DGKB: variants seen among roughly 807,000 people sequenced by gnomAD.
DGKB encodes diacylglycerol kinase beta, also known as 90 kDa diacylglycerol kinase.
A neutral mutation model predicts 114.3 loss-of-function variants in DGKB; 67 were observed. The ratio of observed to expected loss-of-function variants is 0.59; its 90% CI spans 0.48 to 0.72. The LOEUF (loss-of-function observed/expected upper bound fraction) is 0.72, where lower values mean the gene tolerates loss of function less well. Ranked by LOEUF, DGKB falls within the 30% of genes least tolerant of loss-of-function variation. The pLI, the probability that DGKB is intolerant of heterozygous loss-of-function variation, is 0.00. For missense variants in DGKB, 907 were observed against 975.2 expected (o/e 0.93, Z 0.93); for synonymous variants, 398 against 323.1 (o/e 1.23, Z -2.49).
intron 23 of DGKB, among the ~76,000 whole-genome samples, chr7:14,238,463 T>C (rs1793141176): frequency 6.7e-6 from 1 of 149,270 alleles, no homozygotes; most frequent in Admixed American, 6.8e-5. Flanking sequence ...GGTAGTTCTT[T>C]ATAGCCGTGC....
At chr7:14,493,038 GT>G (rs1267778542) in intron 20 of DGKB, among the ~76,000 whole-genome samples, 1 of 152,040 alleles carries the variant, frequency 6.6e-6, no homozygotes, top group East Asian at 1.9e-4. Context: ...TTTGCCTAGT[GT>G]TAGTATTTCT....
At chr7:14,618,517 A>T (rs948836075) in intron 15 of DGKB, among the ~76,000 whole-genome samples, 7 of 151,672 alleles carry the variant, frequency 4.6e-5, no homozygotes, top group African/African-American at 1.7e-4. Context: ...ATTTCTTCAC[A>T]TGTGGGAGAG....
chr7:14,914,356 A>C lies in DGKB; in HGVS notation c.-188+60340T>G, dbSNP rs149190540. Among the ~76,000 whole-genome samples the C allele has an allele frequency of 5.9e-3, 906 of 152,304 alleles. 5 individuals are homozygous for C. Among genetic ancestry groups the C allele is most frequent in the African/African-American group, 0.021 (864 of 41,558 alleles). ...GAAAACTACACGCCCAAATACTTAG[A>C]ACTTCATCAACAGGGCTTACCACTG... On this transcript the variant is annotated intron_variant, in intron 1 of 4. Coordinates refer to the DGKB transcript ENST00000437998.
At chr7:14,795,444 G>T (rs1841275150) in intron 2 of DGKB, among the ~76,000 whole-genome samples, 1 of 152,164 alleles carries the variant, frequency 6.6e-6, no homozygotes. Context: ...TGTTAGGGTA[G>T]ATTTGTCATT....
intron 1 of DGKB, among the ~76,000 whole-genome samples, chr7:14,849,262 C>A (rs1371808260): frequency 6.6e-6 from 1 of 152,022 alleles, no homozygotes; most frequent in Non-Finnish European, 1.5e-5. Context: ...CCCAGAGTAG[C>A]TGTATATAGA....
intron 6 of DGKB, among the ~76,000 whole-genome samples, chr7:14,710,171 T>C (rs1479746141): frequency 1.3e-5 from 2 of 152,118 alleles, no homozygotes; most frequent in African/African-American, 4.8e-5. Context: ...TTCTTCTTTA[T>C]TTAGAGCTTT....
intron 3 of DGKB, among the ~76,000 whole-genome samples, chr7:14,754,952 C>T (rs747119632): frequency 1.1e-4 from 16 of 152,072 alleles, no homozygotes; most frequent in Admixed American, 3.3e-4. Context: ...GGGCATTAGC[C>T]TTAAACTGGG....
chr7:14,278,040 G>A (rs887608241), intron 23 of DGKB, among the ~76,000 whole-genome samples: 22 of 152,156 alleles, frequency 1.4e-4, no homozygotes, highest in Admixed American at 1.0e-3. Context: ...AATGTTCTTT[G>A]TGAATTTGTT....
chr7:14,790,807 A>G (rs1364495844), intron 2 of DGKB, among the ~76,000 whole-genome samples: 3 of 152,114 alleles, frequency 2.0e-5, no homozygotes, highest in East Asian at 3.9e-4. Context: ...CCTTTTTAGC[A>G]TACGCTTTAA....
chr7:14,786,890 G>C (rs1839979793), intron 2 of DGKB, among the ~76,000 whole-genome samples: 1 of 144,244 alleles, frequency 6.9e-6, no homozygotes, highest in East Asian at 1.9e-4. Context: ...TCAGACTCAG[G>C]CAGATGACGG....
intron 23 of DGKB, among the ~76,000 whole-genome samples, chr7:14,198,288 C>T (rs998128764): frequency 4.6e-5 from 7 of 152,076 alleles, no homozygotes; most frequent in African/African-American, 1.4e-4. Context: ...GGGAAATATA[C>T]AGCAGTTGTC....
At position 14,649,408 on chromosome 7, in the gene DGKB, G is replaced by A. The variant is rs545031182; in HGVS notation, c.1135-19140C>T. On this transcript the variant is annotated intron_variant, in intron 13 of 25. Transcript: ENST00000402815. ...TCCAGCCAAACTAAGCTTCATAAGT[G>A]AAGGAGAAATAAAATACTTTACAGA... Among the ~76,000 whole-genome samples, 351 of 149,932 alleles carry A rather than the reference G, an allele frequency of 2.3e-3. 2 individuals are homozygous for A. Among genetic ancestry groups the A allele is most frequent in the African/African-American group, 7.7e-3 (316 of 41,036 alleles).
intron 1 of DGKB, among the ~76,000 whole-genome samples, chr7:14,930,410 C>A (rs1279510189): frequency 1.3e-5 from 2 of 151,912 alleles, no homozygotes; most frequent in Non-Finnish European, 2.9e-5. Flanking sequence ...TGTAGTTTTT[C>A]TTGTACAGAC....
chr7:14,442,347 T>G (rs1830192136), intron 21 of DGKB, among the ~76,000 whole-genome samples: 1 of 152,164 alleles, frequency 6.6e-6, no homozygotes, highest in African/African-American at 2.4e-5. Flanking sequence ...TTCTATATTT[T>G]AATTCTTGAT....
intron 6 of DGKB, among the ~76,000 whole-genome samples, chr7:14,702,041 T>G (rs1237210527): frequency 6.6e-6 from 1 of 152,050 alleles, no homozygotes; most frequent in Non-Finnish European, 1.5e-5. Context: ...AGAGAAGAAG[T>G]TGAAATATTC....
intron 21 of DGKB, among the ~76,000 whole-genome samples, chr7:14,471,858 T>C (rs983533241): frequency 1.3e-5 from 2 of 152,104 alleles, no homozygotes; most frequent in African/African-American, 4.8e-5. Context: ...GTACACAGTA[T>C]GTTCCACAAA....
At chr7:14,959,863 C>A (rs1037432973) in intron 1 of DGKB, among the ~76,000 whole-genome samples, 1 of 151,696 alleles carries the variant, frequency 6.6e-6, no homozygotes, top group Non-Finnish European at 1.5e-5. Context: ...TGTCTATATA[C>A]CTAAAAATAT....
chr7:14,560,118 T>A (rs1229899962), intron 20 of DGKB, among the ~76,000 whole-genome samples: 2 of 152,150 alleles, frequency 1.3e-5, no homozygotes, highest in Non-Finnish European at 2.9e-5. Flanking sequence ...TTAACCCTTG[T>A]GATGTAGTGA....
At chr7:14,388,811 G>C (rs539573386) in intron 21 of DGKB, among the ~76,000 whole-genome samples, 9 of 152,296 alleles carry the variant, frequency 5.9e-5, no homozygotes, top group South Asian at 2.1e-4. Context: ...GGATGTGGTG[G>C]TGACAACTGA....
Sources: allele counts gnomAD v4.1 joint callset (sites outside exome capture counted in the v4.1 genomes callset), GRCh38; gene constraint gnomAD v4.1.1; transcripts MANE v1.5; gene names NCBI Gene and HGNC (gene_info 2026-07-23, HGNC 2026-07-21).